PPL: variants seen among roughly 807,000 people sequenced by gnomAD.
The protein encoded by PPL is periplakin.
In PPL, 198 loss-of-function variants were observed where a neutral mutation model predicts 194.4. The observed-to-expected ratio is 1.02, with a 90% CI of 0.91 to 1.15. PPL has a LOEUF of 1.15. Among genes scored for constraint, PPL ranks in the 50% most tolerant of loss-of-function variants. PPL has a pLI of 0.00. For missense variants in PPL, 2,885 were observed against 2,294.8 expected (o/e 1.26, Z -5.25); for synonymous variants, 1,220 against 972.4 (o/e 1.25, Z -4.74).
At chr16:4,892,266 C>T in intron 14 of PPL, 53 bp from the exon 15 acceptor site, 1 of 1,564,804 alleles carries the variant, frequency 6.4e-7, no homozygotes, top group Non-Finnish European at 8.7e-7. Context: ...GCCCCTTCCC[C>T]TGAGGATGTG....
chr16:4,904,648 A>C (rs545721067), intron 2 of PPL, among the ~76,000 whole-genome samples: 1 of 152,290 alleles, frequency 6.6e-6, no homozygotes, highest in South Asian at 2.1e-4. Flanking sequence ...GCCATAGTGA[A>C]AAGGTCTCTG....
At chr16:4,935,910 T>C (rs1423913554) in intron 1 of PPL, among the ~76,000 whole-genome samples, 2 of 152,110 alleles carry the variant, frequency 1.3e-5, no homozygotes, top group African/African-American at 4.8e-5. Flanking sequence ...AGCCATGTAA[T>C]GTGCGGGCCC....
In PPL at chr16:4,937,146, A is replaced by C. The variant is rs2089311343; in HGVS notation, c.-101T>G. On this transcript the variant is annotated 5_prime_UTR_variant, in exon 1 of 22. Transcript: ENST00000345988. ...GCGAGCGGCGGCGCGGGGAGCCCGG[A>C]CTGCGGCGCGGCAGTGGCTCCGGGT... is the stretch of plus-strand genomic sequence containing the variant. 10 of 810,100 alleles carry C rather than the reference A, an allele frequency of 1.2e-5. No homozygotes were observed. Among genetic ancestry groups the C allele is most frequent in the Non-Finnish European group, 1.5e-5 (10 of 661,216 alleles). 50.2% of individuals were successfully genotyped at this position (810,100 alleles called of 1,614,324 possible). A position where few individuals can be genotyped will look rare whatever the true frequency, so the allele number is the denominator to read the frequency against.
chr16:4,890,873 C>T lies in PPL; in HGVS notation c.2017G>A (p.Glu673Lys), dbSNP rs1200088572. 1.3e-6 allele frequency: 2 copies of T among 1,548,746 alleles called. No individual in the cohort carries two copies. Among genetic ancestry groups the T allele is most frequent in the African/African-American group, 1.4e-5 (1 of 73,254 alleles). ...TGCTTGGCCGCCTGCAAGTTCTGCT[C>T]CACCTCACCCAGGAGGGACTTCTGG... ...QAQKSLLGEV[E>K]QNLQAAKQCS... The change falls in exon 17 of 22, where the codon GAG becomes AAG. Residue 673 changes from glutamate (E) to lysine (K), a missense_variant. Physicochemically the swap from Glu to Lys is moderately conservative, Grantham distance 56. Transcript: ENST00000345988.
intron 1 of PPL, among the ~76,000 whole-genome samples, chr16:4,912,949 C>CA (rs2088848581): frequency 6.6e-6 from 1 of 151,998 alleles, no homozygotes; most frequent in Non-Finnish European, 1.5e-5. Context: ...ACTAAAAATA[C>CA]AAAAATTAGC....
Position 4,893,222 on chromosome 16 carries a change from C to T in PPL, c.1641G>A (p.Lys547=). 2 of 1,569,308 alleles carry T rather than the reference C, an allele frequency of 1.3e-6. No homozygotes were observed. Among genetic ancestry groups the T allele is most frequent in the Middle Eastern group, 2.2e-4 (1 of 4,528 alleles). Residue 547 remains lysine (K), a synonymous_variant, in exon 14 of 22, where the codon AAG becomes AAA. Coordinates refer to ENST00000345988, the MANE Select transcript of PPL (RefSeq NM_002705.5). ...CCTGACCCGCAGGTACCTTGAGGTC[C>T]TTGGCCCGCTCGGCACTGTCCTGCA... is the stretch of plus-strand genomic sequence containing the variant. The part of the protein sequence containing the change: ...RAVQDSAERA[K]DLKNITNELL...
At chr16:4,900,911 C>T (rs773668259) in intron 5 of PPL, 40 bp from the exon 6 acceptor site, 1 of 1,614,022 alleles carries the variant, frequency 6.2e-7, no homozygotes, top group Non-Finnish European at 8.5e-7. Context: ...GGCCAGGAAG[C>T]AGGCGCGGCC....
At chr16:4,900,195 A>C (rs1476266495) in intron 6 of PPL, among the ~76,000 whole-genome samples, 4 of 152,184 alleles carry the variant, frequency 2.6e-5, no homozygotes, top group Non-Finnish European at 5.9e-5. Context: ...CAATTTTTAA[A>C]AGAATGCATT....
In PPL at chr16:4,889,241, G is replaced by GGTTTTTTTTTTTTTT. The variant is rs1442783436; in HGVS notation, c.2314-181_2314-180insAAAAAAAAAAAAAAC. On this transcript the variant is annotated intron_variant, in intron 18 of 21. Transcript: ENST00000345988. ...AAAAGGCAGTTTTTTTGTTGTTGTTGTTTTTTTTTTTTTTTTTTTTTTTTT... is the reference window on the plus strand; with the variant it reads ...AAAAGGCAGTTTTTTTGTTGTTGTTGGTTTTTTTTTTTTTTTTTTTTTTTTTTTTTTTTTTTTTTT... Among the ~76,000 whole-genome samples, 87 of 66,636 alleles carry GGTTTTTTTTTTTTTT rather than the reference G, an allele frequency of 1.3e-3. 11 individuals carry two copies. Among genetic ancestry groups the GGTTTTTTTTTTTTTT allele is most frequent in the South Asian group, 7.1e-3 (12 of 1,686 alleles). 43.7% of individuals were successfully genotyped at this position (66,636 alleles called of 152,430 possible).
chr16:4,894,594 A>G lies in PPL; in HGVS notation c.1267T>C (p.Tyr423His). 6.2e-7 allele frequency: 1 copy of G among 1,613,534 alleles called. No individual in the cohort carries two copies. The highest frequency in any genetic ancestry group is 1.7e-5 in the Admixed American group (1 of 60,006). ...TCCCCGTTGTTCTTCTGCAGGGTGT[A>G]GCTGTAGCCCCGCGAGATCAGGCCC... The part of the protein sequence containing the change: ...EQGLISRGYS[Y>H]TLQKNNGESW... Residue 423 changes from tyrosine (Y) to histidine (H), a missense_variant, in exon 12 of 22, where the codon TAC becomes CAC. Tyr to His is a moderately conservative substitution (Grantham distance 83). Coordinates refer to ENST00000345988, the MANE Select transcript of PPL (RefSeq NM_002705.5).
Position 4,893,549 on chromosome 16 carries a change from T to G in PPL, c.1484A>C (p.Asn495Thr), listed in dbSNP as rs368255572. Reference protein sequence around the residue: ...QQRYEVLKTENPGDASDLQGR... With the variant: ...QQRYEVLKTETPGDASDLQGR... Reference sequence around the variant, plus strand: ...GTGGCCCTGGCACCCACCTCCGGGATTCTCGGTCTTCAGCACCTCATACCG... The same window carrying G: ...GTGGCCCTGGCACCCACCTCCGGGAGTCTCGGTCTTCAGCACCTCATACCG... The change falls in exon 13 of 22, where the codon AAT (asparagine) becomes ACT (threonine). Residue 495 changes from asparagine (N) to threonine (T), a missense_variant. Transcript: ENST00000345988. The G allele has an allele frequency of 3.7e-6, 6 of 1,612,486 alleles. No individual in the cohort carries two copies. The highest frequency in any genetic ancestry group is 5.1e-6 in the Non-Finnish European group (6 of 1,179,806).
chr16:4,936,536 G>A (rs1194834070), intron 1 of PPL, among the ~76,000 whole-genome samples: 1 of 152,180 alleles, frequency 6.6e-6, no homozygotes, highest in Non-Finnish European at 1.5e-5. Flanking sequence ...GCCTCAGGGC[G>A]CCCCCTGGAC....
chr16:4,893,661 G>A (rs2088364102), intron 12 of PPL, 23 bp from the exon 13 acceptor site: 12 of 1,554,268 alleles, frequency 7.7e-6, no homozygotes, highest in Non-Finnish European at 1.0e-5. Context: ...AAATGAGCTG[G>A]GAACCTGGGC....
chr16:4,890,557 G>A (rs925887787), intron 17 of PPL, among the ~76,000 whole-genome samples, 171 bp downstream of exon 17: 3 of 152,156 alleles, frequency 2.0e-5, no homozygotes, highest in South Asian at 2.1e-4. Flanking sequence ...TGGATTACAG[G>A]ACCCAGGTAA....
In PPL at chr16:4,890,329, T is replaced by C. The variant is rs1361423216; in HGVS notation, c.2168A>G (p.Gln723Arg). The change falls in exon 18 of 22, where the codon CAG becomes CGG. Residue 723 changes from glutamine to arginine, a missense_variant. Gln to Arg is a conservative substitution (Grantham distance 43, BLOSUM62 1). Transcript: ENST00000345988. ...GGCTGCCTTGGCGCTCTGTAGGCTC[T>C]GCGCCCTGTCAAGGCAAAGCGTTCA... Reference protein sequence around the residue: ...NLRQQVERRAQSLQSAKAAYE... With the variant: ...NLRQQVERRARSLQSAKAAYE... 6.2e-7 allele frequency: 1 copy of C among 1,612,002 alleles called. No homozygotes were observed. The highest frequency in any genetic ancestry group is 1.1e-5 in the South Asian group (1 of 90,962).
intron 1 of PPL, among the ~76,000 whole-genome samples, chr16:4,923,242 C>T (rs1416133179): frequency 2.0e-5 from 3 of 152,238 alleles, no homozygotes; most frequent in Non-Finnish European, 4.4e-5. Context: ...GCGCATCCTC[C>T]TCCATCTGCC....
intron 1 of PPL, among the ~76,000 whole-genome samples, chr16:4,930,311 C>T (rs1234110418): frequency 6.6e-6 from 1 of 152,156 alleles, no homozygotes; most frequent in Non-Finnish European, 1.5e-5. Flanking sequence ...TGTACTCAGC[C>T]AACTCTCTGC....
At chr16:4,931,015 A>G (rs2089219119) in intron 1 of PPL, among the ~76,000 whole-genome samples, 1 of 152,062 alleles carries the variant, frequency 6.6e-6, no homozygotes, top group East Asian at 1.9e-4. Flanking sequence ...GTGAAGAGGG[A>G]CTGGAGGCCT....
chr16:4,904,218 G>T (rs1339354421), intron 2 of PPL, among the ~76,000 whole-genome samples, 178 bp from the exon 3 acceptor site: 6 of 152,186 alleles, frequency 3.9e-5, no homozygotes, highest in Admixed American at 3.9e-4. Context: ...GCTGCTACGT[G>T]GTATTTCTCA....
Sources: allele counts gnomAD v4.1 joint callset (sites outside exome capture counted in the v4.1 genomes callset), GRCh38; gene constraint gnomAD v4.1.1; transcripts MANE v1.5; gene names NCBI Gene and HGNC (gene_info 2026-07-23, HGNC 2026-07-21).